Variants in TERT observed in about 807,000 individuals in gnomAD.
The protein encoded by TERT is telomerase catalytic subunit.
A neutral mutation model predicts 104.0 loss-of-function variants in TERT; 42 were observed. The observed-to-expected ratio is 0.40, with a 90% confidence interval of 0.32 to 0.52. The LOEUF (loss-of-function observed/expected upper bound fraction) is 0.52. TERT is among the 20% of genes least tolerant of loss of function. TERT has a pLI of 0.43. For missense variants in TERT, 1,101 were observed against 1,610.3 expected, an observed-to-expected ratio of 0.68 and a Z score of 5.41; for synonymous variants, 781 against 725.6, an observed-to-expected ratio of 1.08 and a Z score of -1.23.
chr5:1,280,317 C>G lies in TERT; in HGVS notation c.1791G>C (p.Gln597His). The change falls in exon 4 of 16, where the codon CAG becomes CAC. Residue 597 changes from glutamine to histidine, a missense_variant. Coordinates refer to ENST00000310581, the MANE Select transcript of TERT (RefSeq NM_198253.3). ...IGIRQHLKRV[Q>H]LRELSEAEVR... ...CCTCTGCTTCCGACAGCTCCCGCAG[C>G]TGCACCCTCTTCAAGTGCTGTCTGC... 2 of 1,613,406 alleles carry G rather than the reference C, an allele frequency of 1.2e-6. No individual in the cohort carries two copies. The highest frequency in any genetic ancestry group is 1.7e-6 in the Non-Finnish European group (2 of 1,180,024).
chr5:1,266,459 C>T lies in TERT; in HGVS notation c.2654+5G>A. On this transcript the variant is annotated splice_donor_5th_base_variant and intron_variant, in intron 10 of 15. Coordinates refer to ENST00000310581, the MANE Select transcript of TERT (RefSeq NM_198253.3). ...GTCCCCACAGACACACGGCACGGGCCTCACCTGAGGAAGGTTTTCGCGTGG... is the reference window on the plus strand; with the variant it reads ...GTCCCCACAGACACACGGCACGGGCTTCACCTGAGGAAGGTTTTCGCGTGG... 1 of 1,606,042 alleles carries T rather than the reference C, an allele frequency of 6.2e-7. No individual in the cohort carries two copies. Among genetic ancestry groups the T allele is most frequent in the Non-Finnish European group, 8.5e-7 (1 of 1,176,312 alleles).
intron 4 of TERT, among the ~76,000 whole-genome samples, chr5:1,279,759 C>T (rs942871972): frequency 2.6e-5 from 4 of 152,202 alleles, no homozygotes; most frequent in South Asian, 4.1e-4. Flanking sequence ...GTGCAGGAGC[C>T]GTGGGGCAAG....
intron 2 of TERT, among the ~76,000 whole-genome samples, chr5:1,285,660 C>T (rs779590396): frequency 2.1e-5 from 3 of 145,262 alleles, no homozygotes; most frequent in Non-Finnish European, 4.5e-5. Context: ...ACTTCCAACT[C>T]CCAGGTTCAA....
intron 7 of TERT, 83 bp from the exon 8 acceptor site, chr5:1,271,287 C>T (rs1157870394): frequency 1.0e-6 from 1 of 962,904 alleles, no homozygotes; most frequent in South Asian, 1.4e-5. Flanking sequence ...ACCCTCCGTC[C>T]CTTTTGGGGT....
intron 3 of TERT, among the ~76,000 whole-genome samples, chr5:1,280,816 A>G (rs1749970105): frequency 7.6e-6 from 1 of 131,030 alleles, no homozygotes; most frequent in African/African-American, 2.7e-5. Context: ...GAGCAGAATC[A>G]GCTCTCATGA....
At chr5:1,276,979 T>C (rs777757769) in intron 6 of TERT, among the ~76,000 whole-genome samples, 4 of 152,134 alleles carry the variant, frequency 2.6e-5, no homozygotes, top group Non-Finnish European at 5.9e-5. Context: ...ATGCCACACT[T>C]GCAGCAGAAC....
Position 1,255,695 on chromosome 5 carries a change from G to GC in TERT, c.3033-285dup, listed in dbSNP as rs1193487779. On this transcript the variant is annotated intron_variant, in intron 13 of 15. Coordinates refer to ENST00000310581, the MANE Select transcript of TERT (RefSeq NM_198253.3). The surrounding 1 kb of genome is among the most constrained non-coding windows in gnomAD (Gnocchi z 6.9). ...TGAAGCAGCTCCATCCTGGATGCCA[G>GC]CCCCCCATGCTGGCTTCTGATTAGC... 6.6e-6 allele frequency among the ~76,000 whole-genome samples: 1 copy of GC among 152,204 alleles called. No homozygotes were observed. Among genetic ancestry groups the GC allele is most frequent in the African/African-American group, 2.4e-5 (1 of 41,450 alleles).
At position 1,265,354 on chromosome 5, in the gene TERT, C is replaced by G. The variant is rs1298172552; in HGVS notation, c.2655-762G>C. Among the ~76,000 whole-genome samples the G allele has an allele frequency of 6.6e-6, 1 of 152,164 alleles. No individual in the cohort carries two copies. The highest frequency in any genetic ancestry group is 1.9e-4 in the East Asian group (1 of 5,200). On this transcript the variant is annotated intron_variant, in intron 10 of 15. Transcript: ENST00000310581. This position sits in a 1 kb window ranked among gnomAD's most constrained non-coding sequence, Gnocchi z 6.9. ...TGCATTCCCAGCTCCCTGTGGCCAC[C>G]CCTTCCTGTTACATGGCTGCCGACT...
In TERT at chr5:1,279,406, C is replaced by A; in HGVS notation, c.2015G>T (p.Arg672Leu). ...FSVLNYERAR[R>L]PGLLGASVLG... is the part of the protein sequence containing the mutation. ...CACAGAGGCGCCCAGGAGGCCGGGGCGCCGCGCCCGCTCGTAGTTGAGCAC... is the reference window on the plus strand; with the variant it reads ...CACAGAGGCGCCCAGGAGGCCGGGGAGCCGCGCCCGCTCGTAGTTGAGCAC... Residue 672 changes from arginine (R) to leucine (L), a missense_variant, in exon 5 of 16, where the codon CGC becomes CTC. Physicochemically the swap from Arg to Leu is moderately radical, Grantham distance 102. Around this residue, in one of 5 missense-constraint regions of TERT, gnomAD observed 463 missense variants for 797.5 expected, o/e 0.58. Coordinates refer to ENST00000310581, the MANE Select transcript of TERT (RefSeq NM_198253.3). The A allele has an allele frequency of 6.4e-7, 1 of 1,552,926 alleles. No individual in the cohort carries two copies. Among genetic ancestry groups the A allele is most frequent in the Non-Finnish European group, 8.7e-7 (1 of 1,149,680 alleles).
At position 1,274,337 on chromosome 5, in the gene TERT, A is replaced by T. The variant is rs950644409; in HGVS notation, c.2287-2057T>A. 1.3e-5 allele frequency among the ~76,000 whole-genome samples: 2 copies of T among 152,258 alleles called. No individual in the cohort carries two copies. The highest frequency in any genetic ancestry group is 6.5e-5 in the Admixed American group (1 of 15,286). On this transcript the variant is annotated intron_variant, in intron 6 of 15. Coordinates refer to ENST00000310581, the MANE Select transcript of TERT (RefSeq NM_198253.3). The surrounding 1 kb of genome is among the most constrained non-coding windows in gnomAD (Gnocchi z 5.3). Reference sequence around the variant, plus strand: ...CATGGGTCTGAGGTCGGCGGAAAGCATCACAGAAATCCGTAATTATTCTGG... The same window carrying T: ...CATGGGTCTGAGGTCGGCGGAAAGCTTCACAGAAATCCGTAATTATTCTGG...
At chr5:1,264,709 G>T in intron 10 of TERT, 117 bp from the exon 11 acceptor site, 1 of 1,255,122 alleles carries the variant, frequency 8.0e-7, no homozygotes, top group Non-Finnish European at 1.1e-6. Context: ...GGAGCAGGGT[G>T]CTGGGCCTGG....
At chr5:1,276,007 TACCCCACACATGAAAACCAATC>T (rs2126632932) in intron 6 of TERT, among the ~76,000 whole-genome samples, 1 of 117,082 alleles carries the variant, frequency 8.5e-6, no homozygotes, top group Admixed American at 9.1e-5. Flanking sequence ...GATCCCCACC[TACCCCACACATGAAAACCAATC>T]CCACAGATCC....
At chr5:1,276,941 G>A (rs115049312) in intron 6 of TERT, among the ~76,000 whole-genome samples, 55 of 152,310 alleles carry the variant, frequency 3.6e-4, no homozygotes, top group African/African-American at 1.3e-3. Context: ...GACACACACG[G>A]CACAGAGATT....
intron 2 of TERT, 195 bp from the exon 3 acceptor site, chr5:1,282,819 A>T (rs1330994352): frequency 1.6e-6 from 1 of 627,290 alleles, no homozygotes; most frequent in Non-Finnish European, 2.8e-6. Context: ...CACCATTCGG[A>T]CACGGGGACA....
rs1255402939 is a variant in TERT, at chr5:1,269,237, G to A, written c.2469-604C>T. ...CCAGAGCCCACAGGACGCCACTCCT[G>A]TTGCTAAGAGACGCTTGCAGCCTAC... On this transcript the variant is annotated intron_variant, in intron 8 of 15. Transcript: ENST00000310581. The surrounding 1 kb of genome is among the most constrained non-coding windows in gnomAD (Gnocchi z 9.0). Among the ~76,000 whole-genome samples the A allele has an allele frequency of 3.9e-5, 6 of 152,188 alleles. No homozygotes were observed. Among genetic ancestry groups the A allele is most frequent in the African/African-American group, 1.4e-4 (6 of 41,440 alleles).
Position 1,255,359 on chromosome 5 carries a change from G to C in TERT, c.3085C>G (p.Pro1029Ala). ...LPFHQQVWKN[P>A]TFFLRVISDT... ...GAGATGACGCGCAGGAAAAATGTGGGGTTCTTCCAAACTTGCTGATGAAAT... is the reference window on the plus strand; with the variant it reads ...GAGATGACGCGCAGGAAAAATGTGGCGTTCTTCCAAACTTGCTGATGAAAT... Residue 1029 changes from proline to alanine, a missense_variant, in exon 14 of 16, where the codon CCC (proline) becomes GCC (alanine). Physicochemically the swap from Pro to Ala is conservative, Grantham distance 27. Coordinates refer to ENST00000310581, the MANE Select transcript of TERT (RefSeq NM_198253.3). This position sits in a 1 kb window ranked among gnomAD's most constrained non-coding sequence, Gnocchi z 6.9. 4 of 1,614,200 alleles carry C rather than the reference G, an allele frequency of 2.5e-6. No individual in the cohort carries two copies. The highest frequency in any genetic ancestry group is 3.4e-6 in the Non-Finnish European group (4 of 1,180,034).
At chr5:1,278,515 T>C in intron 6 of TERT, 126 bp downstream of exon 6, 2 of 1,368,710 alleles carry the variant, frequency 1.5e-6, no homozygotes, top group Non-Finnish European at 2.1e-6. Flanking sequence ...CACACGCATA[T>C]CACAGATGTG....
At chr5:1,291,434 C>T (rs796889590) in intron 2 of TERT, among the ~76,000 whole-genome samples, 2 of 56,366 alleles carry the variant, frequency 3.5e-5, no homozygotes, top group African/African-American at 1.0e-4. Context: ...CACCCGGGGA[C>T]CACGCCTCAC....
chr5:1,265,673 T>C lies in TERT; in HGVS notation c.2654+791A>G, dbSNP rs1748541903. On this transcript the variant is annotated intron_variant, in intron 10 of 15. Transcript: ENST00000310581. The surrounding 1 kb of genome is among the most constrained non-coding windows in gnomAD (Gnocchi z 6.9). ...GGAGGGTGGACCTGGAGGGTGGACT[T>C]GGAGGGCGGGTCCAAATGGGTTTTC... 6.6e-6 allele frequency among the ~76,000 whole-genome samples: 1 copy of C among 152,056 alleles called. No individual in the cohort carries two copies. Among genetic ancestry groups the C allele is most frequent in the Non-Finnish European group, 1.5e-5 (1 of 68,014 alleles).
Sources: allele counts gnomAD v4.1 joint callset (sites outside exome capture counted in the v4.1 genomes callset), GRCh38; gene constraint gnomAD v4.1.1; regional missense constraint gnomAD v4.1.1; non-coding constraint Gnocchi (gnomAD v3.1); transcripts MANE v1.5; gene names NCBI Gene and HGNC (gene_info 2026-07-23, HGNC 2026-07-21).